The following ATOH8 variants were observed in gnomAD, a reference collection of about 807,000 sequenced individuals.
The protein encoded by ATOH8 is transcription factor ATOH8.
In ATOH8, 9 loss-of-function variants were observed where a neutral mutation model predicts 21.2. The ratio of observed to expected loss-of-function variants is 0.42; its 90% CI spans 0.26 to 0.74. The LOEUF is 0.74. Ranked by LOEUF, ATOH8 falls within the 30% of genes least tolerant of loss-of-function variation. The probability of loss-of-function intolerance (pLI) is 0.24; values close to 1 mark genes in which losing one functional copy is unlikely to be tolerated. For missense variants in ATOH8, 524 were observed against 470.9 expected, an observed-to-expected ratio of 1.11 and a Z score of -1.04; for synonymous variants, 253 against 224.0, an observed-to-expected ratio of 1.13 and a Z score of -1.16.
At chr2:85,770,739 A>C (rs188987520) in intron 2 of ATOH8, among the ~76,000 whole-genome samples, 5 of 152,200 alleles carry the variant, frequency 3.3e-5, no homozygotes, top group Non-Finnish European at 7.4e-5. Context: ...GGCGAGGCGC[A>C]GGGAAAGGCT....
At chr2:85,760,973 A>G (rs1161328457) in intron 1 of ATOH8, 1 of 152,266 alleles carries the variant, frequency 6.6e-6, no homozygotes, top group East Asian at 1.9e-4. Flanking sequence ...CGGGTGCTAA[A>G]TTCTCACTTT....
rs866711955 is a variant in ATOH8, at chr2:85,790,304, G to T, written c.*3414G>T. Among the ~76,000 whole-genome samples, 1 of 152,184 alleles carries T rather than the reference G, an allele frequency of 6.6e-6. No homozygotes were observed. The highest frequency in any genetic ancestry group is 1.5e-5 in the Non-Finnish European group (1 of 68,040). Reference sequence around the variant, plus strand: ...TGGGTATGTCTGCATGAAGCCCCACGTGTGCACACCCATCTTCATGTGTGT... The same window carrying T: ...TGGGTATGTCTGCATGAAGCCCCACTTGTGCACACCCATCTTCATGTGTGT... On this transcript the variant is annotated 3_prime_UTR_variant, in exon 3 of 3. Transcript: ENST00000306279.
At position 85,791,364 on chromosome 2, in the gene ATOH8, A is replaced by G. The variant is rs1043673647; in HGVS notation, c.*4474A>G. Among the ~76,000 whole-genome samples the G allele has an allele frequency of 6.6e-6, 1 of 152,246 alleles. No individual in the cohort carries two copies. The highest frequency in any genetic ancestry group is 1.5e-5 in the Non-Finnish European group (1 of 68,040). ...TCTTTGCTGAATGAATGAATAAAAC[A>G]TGGAAAATGTGGTAATTCACTCATT... On this transcript the variant is annotated 3_prime_UTR_variant, in exon 3 of 3. Transcript: ENST00000306279.
intron 1 of ATOH8, among the ~76,000 whole-genome samples, chr2:85,757,510 GGGTTCTGGGATTGT>G (rs1292966933): frequency 6.6e-6 from 1 of 152,240 alleles, no homozygotes; most frequent in Non-Finnish European, 1.5e-5. Context: ...GCACTGAGAT[GGGTTCTGGGATTGT>G]GGCTCTGGCC....
At position 85,771,157 on chromosome 2, in the gene ATOH8, C is replaced by T. The variant is rs139677844; in HGVS notation, c.960+6975C>T. ...TGCTCTGTAGTGCTATCATTTAAGG[C>T]ACAGGAACGCACGCTATGGCGGCCC... On this transcript the variant is annotated intron_variant, in intron 2 of 2. Transcript: ENST00000306279. 2.2e-3 allele frequency among the ~76,000 whole-genome samples: 338 copies of T among 152,308 alleles called. 1 individual carries two copies. Among genetic ancestry groups the T allele is most frequent in the East Asian group, 0.015 (79 of 5,180 alleles).
chr2:85,764,068 G>C lies in ATOH8; in HGVS notation c.846G>C (p.Leu282=). ...TCGCCTGTAACTACATCCTGTCCCT[G>C]GCGCGGCTGGCTGACCTTGACTACA... ...LRIACNYILS[L]ARLADLDYSA... is the part of the protein sequence containing the mutation. The change falls in exon 2 of 3, where the codon CTG becomes CTC. Residue 282 remains leucine, a synonymous_variant. Transcript: ENST00000306279. 6.2e-7 allele frequency: 1 copy of C among 1,614,204 alleles called. No homozygotes were observed. Among genetic ancestry groups the C allele is most frequent in the South Asian group, 1.1e-5 (1 of 91,080 alleles).
intron 1 of ATOH8, among the ~76,000 whole-genome samples, 152 bp from the exon 2 acceptor site, chr2:85,763,821 CGTGTGTGTGTGTGTGTGT>C (rs61491730): frequency 7.0e-6 from 1 of 143,768 alleles, no homozygotes. Flanking sequence ...GATGAGCTGA[CGTGTGTGTGTGTGTGTGT>C]GTGTGTGTGT....
In ATOH8 at chr2:85,778,323, C is replaced by T. The variant is rs540446867; in HGVS notation, c.961-8562C>T. 7.2e-5 allele frequency among the ~76,000 whole-genome samples: 11 copies of T among 152,108 alleles called. No individual in the cohort carries two copies. In the East Asian group the frequency reaches 1.5e-3, roughly 21 times the overall value. The stretch of plus-strand genomic sequence containing the variant: ...ATACGTGTGTGTGTGTGTGCGCGCG[C>T]GTGTGTGGCAGTGAGTAAAGACCTC... On this transcript the variant is annotated intron_variant, in intron 2 of 2. Coordinates refer to ENST00000306279, the MANE Select transcript of ATOH8 (RefSeq NM_032827.7).
chr2:85,754,991 CG>C, intron 1 of ATOH8, 34 bp downstream of exon 1: 1 of 1,549,960 alleles, frequency 6.5e-7, no homozygotes, highest in Non-Finnish European at 8.7e-7. Flanking sequence ...CTCACTGCGC[CG>C]GGGGACGACT....
Position 85,791,139 on chromosome 2 carries a change from G to A in ATOH8, c.*4249G>A, listed in dbSNP as rs11676464. Reference sequence around the variant, plus strand: ...CCACATGTCTCCCTTCTGGTGACCCGGACCCCAGACAAACTATGCCTGCCT... The same window carrying A: ...CCACATGTCTCCCTTCTGGTGACCCAGACCCCAGACAAACTATGCCTGCCT... On this transcript the variant is annotated 3_prime_UTR_variant, in exon 3 of 3. Transcript: ENST00000306279. Among the ~76,000 whole-genome samples, 12,916 of 152,104 alleles carry A rather than the reference G, an allele frequency of 0.085. 711 individuals carry two copies. The highest frequency in any genetic ancestry group is 0.14 in the Admixed American group (2,186 of 15,306).
At chr2:85,756,376 A>G (rs758795309) in intron 1 of ATOH8, among the ~76,000 whole-genome samples, 15 of 152,128 alleles carry the variant, frequency 9.9e-5, no homozygotes, top group Non-Finnish European at 2.2e-4. Context: ...CCCAGGACAG[A>G]AGGATAACAG....
At chr2:85,763,623 A>G (rs1319756859) in intron 1 of ATOH8, among the ~76,000 whole-genome samples, 37 of 152,176 alleles carry the variant, frequency 2.4e-4, no homozygotes, top group Non-Finnish European at 2.9e-5. Flanking sequence ...TGAATGGAAC[A>G]TCAGAGCTGA....
At chr2:85,759,913 T>G (rs905362006) in intron 1 of ATOH8, among the ~76,000 whole-genome samples, 2 of 152,074 alleles carry the variant, frequency 1.3e-5, no homozygotes, top group Admixed American at 1.3e-4. Flanking sequence ...TCGGAGTTGT[T>G]TCTTTAGGAA....
intron 2 of ATOH8, among the ~76,000 whole-genome samples, chr2:85,776,041 A>G (rs565782229): frequency 5.3e-5 from 8 of 152,324 alleles, no homozygotes; most frequent in South Asian, 2.1e-4. Context: ...GTTCCTGTGC[A>G]CTGCACTTTC....
At chr2:85,777,788 T>TC (rs1387112261) in intron 2 of ATOH8, among the ~76,000 whole-genome samples, 1 of 152,222 alleles carries the variant, frequency 6.6e-6, no homozygotes. Flanking sequence ...CCCCAGAGCC[T>TC]CCAGTGGAGC....
intron 2 of ATOH8, chr2:85,773,786 C>T (rs1429825291): frequency 2.6e-5 from 4 of 152,300 alleles, no homozygotes; most frequent in Non-Finnish European, 5.9e-5. Context: ...CTCTTGCCCT[C>T]CTCTCAGCTT....
chr2:85,768,503 T>C (rs1028122281), intron 2 of ATOH8, among the ~76,000 whole-genome samples: 2 of 152,138 alleles, frequency 1.3e-5, no homozygotes, highest in Non-Finnish European at 2.9e-5. Context: ...GTGATGGCAG[T>C]GGTCATCGCT....
intron 2 of ATOH8, among the ~76,000 whole-genome samples, chr2:85,780,156 G>A (rs1456737741): frequency 6.6e-6 from 1 of 152,178 alleles, no homozygotes; most frequent in Non-Finnish European, 1.5e-5. Flanking sequence ...CCCAGCCCCA[G>A]CCCTGCACTT....
chr2:85,754,639 G>C lies in ATOH8; in HGVS notation c.450G>C (p.Leu150=). 6.6e-7 allele frequency: 1 copy of C among 1,516,328 alleles called. No homozygotes were observed. Among genetic ancestry groups the C allele is most frequent in the Non-Finnish European group, 8.8e-7 (1 of 1,136,734 alleles). The allele number at this position is 1,516,328 out of a possible 1,614,324, so 93.9% of individuals were successfully genotyped here. A position where few individuals can be genotyped will look rare whatever the true frequency, so the allele number is the denominator to read the frequency against. ...PEAQPFREPG[L]RPRILLCAPP... is the part of the protein sequence containing the mutation. ...CACAGCCTTTCCGGGAGCCGGGTCT[G>C]CGTCCTCGCATCTTGCTGTGCGCAC... The change falls in exon 1 of 3, where the codon CTG becomes CTC. Residue 150 remains leucine (L), a synonymous_variant. Coordinates refer to ENST00000306279, the MANE Select transcript of ATOH8 (RefSeq NM_032827.7).
Sources: gnomAD v4.1 joint callset for allele counts (sites outside exome capture counted in the v4.1 genomes callset) on GRCh38, gnomAD v4.1.1 for gene constraint, MANE v1.5 for transcripts, NCBI Gene and HGNC (gene_info 2026-07-23, HGNC 2026-07-21) for gene names.